TRAF5: variants seen among roughly 807,000 people sequenced by gnomAD.
The protein encoded by TRAF5 is TNF receptor-associated factor 5.
Under a neutral mutation model 64.5 loss-of-function variants are expected in TRAF5, and 48 were observed. That is an observed-to-expected ratio of 0.74 (90% confidence interval 0.59 to 0.95). TRAF5 has a LOEUF of 0.95. Among genes scored for constraint, TRAF5 ranks in the 40% least tolerant of loss-of-function variants. TRAF5 has a pLI of 0.00. For synonymous variants in TRAF5, 206 were observed against 240.5 expected (o/e 0.86, Z 1.33); for missense variants, 545 against 662.8 (o/e 0.82, Z 1.95).
intron 4 of TRAF5, chr1:211,356,820 G>A (rs1702984626): frequency 5.4e-6 from 1 of 185,864 alleles, no homozygotes; most frequent in African/African-American, 2.3e-5. Context: ...CCCAGGGCAT[G>A]ACTACAGAAA....
intron 1 of TRAF5, among the ~76,000 whole-genome samples, chr1:211,335,255 C>A (rs539884823): frequency 6.6e-6 from 1 of 152,244 alleles, no homozygotes; most frequent in Non-Finnish European, 1.5e-5. Context: ...CTTGTGTCAT[C>A]CCCTCAGCTT....
chr1:211,360,591 T>C, intron 5 of TRAF5, 111 bp from the exon 6 acceptor site: 1 of 785,936 alleles, frequency 1.3e-6, no homozygotes, highest in South Asian at 1.7e-5. Flanking sequence ...AGGCAATAAC[T>C]TCCTGTAGAG....
In TRAF5 at chr1:211,353,349, A is replaced by G. The variant is rs1702855469; in HGVS notation, c.110A>G (p.Glu37Gly). Reference sequence around the variant, plus strand: ...CCCAGTATAGAGTACCAGTTTGTGGAGCGGTTGGAAGAGCGCTACAAATGT... The same window carrying G: ...CCCAGTATAGAGTACCAGTTTGTGGGGCGGTTGGAAGAGCGCTACAAATGT... ...FEPSIEYQFV[E>G]RLEERYKCAF... Residue 37 changes from glutamate (E) to glycine (G), a missense_variant, in exon 2 of 11, where the codon GAG becomes GGG. Glu to Gly is a moderately conservative substitution (Grantham distance 98). Transcript: ENST00000261464. The G allele has an allele frequency of 2.5e-6, 4 of 1,614,188 alleles. No homozygotes were observed. The highest frequency in any genetic ancestry group is 4.5e-5 in the East Asian group (2 of 44,884).
At chr1:211,348,435 G>A (rs1299152506) in intron 1 of TRAF5, among the ~76,000 whole-genome samples, 2 of 152,092 alleles carry the variant, frequency 1.3e-5, no homozygotes, top group Admixed American at 6.5e-5. Flanking sequence ...ATTAAAAAAA[G>A]ACAAGATTTT....
At chr1:211,348,810 T>C (rs1296615144) in intron 1 of TRAF5, among the ~76,000 whole-genome samples, 2 of 152,090 alleles carry the variant, frequency 1.3e-5, no homozygotes, top group Non-Finnish European at 2.9e-5. Context: ...ATTTCTGGGC[T>C]CTTTATTCTC....
chr1:211,352,511 G>T (rs892922474), intron 1 of TRAF5, among the ~76,000 whole-genome samples: 1 of 147,184 alleles, frequency 6.8e-6, no homozygotes, highest in Non-Finnish European at 1.5e-5. Context: ...TGCCTGTAGT[G>T]CCTGTAGTCC....
chr1:211,360,914 T>G (rs940323810), intron 6 of TRAF5, 135 bp downstream of exon 6: 1 of 986,222 alleles, frequency 1.0e-6, no homozygotes, highest in Non-Finnish European at 1.5e-6. Flanking sequence ...CGTATCTGTC[T>G]TCCCTTCTCT....
In TRAF5 at chr1:211,369,538, C is replaced by A; in HGVS notation, c.876C>A (p.Phe292Leu). Residue 292 changes from phenylalanine to leucine, a missense_variant, in exon 9 of 11, where the codon TTC becomes TTA. Physicochemically the swap from Phe to Leu is conservative, Grantham distance 22 (BLOSUM62 0). Transcript: ENST00000261464. ...AETIKKLEKE[F>L]KQFAQLFGKN... ...CTATAAAGAAACTTGAAAAGGAGTT[C>A]AAGCAGTTTGCACAGTTGTTTGGCA... is the stretch of plus-strand genomic sequence containing the variant. 6.2e-7 allele frequency: 1 copy of A among 1,610,936 alleles called. No individual in the cohort carries two copies. Among genetic ancestry groups the A allele is most frequent in the Non-Finnish European group, 8.5e-7 (1 of 1,178,872 alleles).
chr1:211,339,699 A>G (rs886954544), intron 1 of TRAF5, among the ~76,000 whole-genome samples: 5 of 152,188 alleles, frequency 3.3e-5, no homozygotes, highest in Non-Finnish European at 7.4e-5. Flanking sequence ...GCCTGCCTGT[A>G]TGTGGGCAGG....
intron 1 of TRAF5, among the ~76,000 whole-genome samples, chr1:211,347,035 A>G (rs983530645): frequency 1.3e-5 from 2 of 152,024 alleles, no homozygotes; most frequent in African/African-American, 2.4e-5. Context: ...AAGAATACGA[A>G]TGCCATTGAC....
chr1:211,354,609 A>T, intron 3 of TRAF5, 142 bp downstream of exon 3: 2 of 808,992 alleles, frequency 2.5e-6, no homozygotes, highest in Non-Finnish European at 3.9e-6. Flanking sequence ...GGGTCACATC[A>T]GACCCTACTC....
intron 1 of TRAF5, among the ~76,000 whole-genome samples, chr1:211,347,091 G>GT (rs376192665): frequency 4.7e-4 from 70 of 148,978 alleles, no homozygotes; most frequent in Middle Eastern, 3.5e-3. Context: ...GTTTTGATAT[G>GT]TTTTTTTTTT....
At chr1:211,363,367 G>C (rs2102761744) in intron 7 of TRAF5, among the ~76,000 whole-genome samples, 1 of 152,116 alleles carries the variant, frequency 6.6e-6, no homozygotes, top group East Asian at 1.9e-4. Context: ...TCATATTTTA[G>C]AATACTATGT....
chr1:211,369,977 C>T (rs1465073225), intron 9 of TRAF5, among the ~76,000 whole-genome samples: 3 of 152,254 alleles, frequency 2.0e-5, no homozygotes, highest in South Asian at 2.1e-4. Flanking sequence ...AACCCCAGTA[C>T]GTTTAGCAAT....
chr1:211,339,683 T>A (rs970609567), intron 1 of TRAF5, among the ~76,000 whole-genome samples: 1 of 152,194 alleles, frequency 6.6e-6, no homozygotes, highest in African/African-American at 2.4e-5. Context: ...AACCAGACTC[T>A]AGGATGCCTG....
chr1:211,338,869 C>A (rs1449918369), intron 1 of TRAF5, among the ~76,000 whole-genome samples: 2 of 152,194 alleles, frequency 1.3e-5, no homozygotes, highest in Non-Finnish European at 2.9e-5. Context: ...AGACAATCCG[C>A]CTGCCTTGGC....
chr1:211,338,073 G>A (rs1433909693), intron 1 of TRAF5, among the ~76,000 whole-genome samples: 1 of 152,196 alleles, frequency 6.6e-6, no homozygotes, highest in Non-Finnish European at 1.5e-5. Flanking sequence ...AGCTCCAAGA[G>A]ATAAGAGAAG....
At chr1:211,331,356 T>G (rs948045429) in intron 1 of TRAF5, among the ~76,000 whole-genome samples, 6 of 152,226 alleles carry the variant, frequency 3.9e-5, no homozygotes, top group Admixed American at 1.3e-4. Flanking sequence ...ATATCTGGGT[T>G]TATGATTTGC....
At chr1:211,368,405 G>A (rs904238249) in intron 8 of TRAF5, among the ~76,000 whole-genome samples, 1 of 152,154 alleles carries the variant, frequency 6.6e-6, no homozygotes, top group African/African-American at 2.4e-5. Context: ...TATTTATTAA[G>A]CACCTACTGG....
Sources: allele counts gnomAD v4.1 joint callset (sites outside exome capture counted in the v4.1 genomes callset), GRCh38; gene constraint gnomAD v4.1.1; transcripts MANE v1.5; gene names NCBI Gene and HGNC (gene_info 2026-07-23, HGNC 2026-07-21).